Variants in REV1 observed in about 807,000 individuals in gnomAD.
REV1 encodes the protein REV1 DNA directed polymerase.
A neutral mutation model predicts 137.4 loss-of-function variants in REV1; 42 were observed. The observed-to-expected ratio is 0.31, with a 90% confidence interval of 0.24 to 0.40. The LOEUF is 0.40. Ranked by LOEUF, REV1 falls within the 10% of genes least tolerant of loss-of-function variation. The pLI, the probability that REV1 is intolerant of heterozygous loss-of-function variation, is 1.00. For synonymous variants in REV1, 524 were observed against 519.2 expected (o/e 1.01, Z -0.12); for missense variants, 1,282 against 1,490.1 (o/e 0.86, Z 2.30).
rs201539173 is a variant in REV1, at chr2:99,414,456, T to TAA, written c.1952-1507_1952-1506dup. On this transcript the variant is annotated intron_variant, in intron 12 of 22. Transcript: ENST00000258428. ...TACCAAAGACCCCGAGTTAACAATT[T>TAA]AAAAAAAAAAAAAAATTCCTCCAGA... Among the ~76,000 whole-genome samples the TAA allele has an allele frequency of 4.2e-3, 582 of 138,602 alleles. 5 individuals carry two copies. Among genetic ancestry groups the TAA allele is most frequent in the African/African-American group, 0.015 (558 of 37,684 alleles). The allele number at this position is 138,602 out of a possible 152,430, so 90.9% of individuals were successfully genotyped here.
At chr2:99,459,516 G>A (rs976298638) in intron 3 of REV1, among the ~76,000 whole-genome samples, 1 of 152,104 alleles carries the variant, frequency 6.6e-6, no homozygotes, top group African/African-American at 2.4e-5. Context: ...GATCAGCCTG[G>A]GAAACACAGC....
chr2:99,421,587 T>C lies in REV1; in HGVS notation c.1743A>G (p.Ala581=). Residue 581 remains alanine, a synonymous_variant, in exon 11 of 23, where the codon GCA becomes GCG. Transcript: ENST00000258428. Reference sequence around the variant, plus strand: ...ATTCATCAGGAGTAAGTTTGGTCTCTGCAAGGATTTCGGTAATGTCTACCA... The same window carrying C: ...ATTCATCAGGAGTAAGTTTGGTCTCCGCAAGGATTTCGGTAATGTCTACCA... ...EALVDITEIL[A]ETKLTPDEFA... is the part of the protein sequence containing the mutation. 2 of 1,614,202 alleles carry C rather than the reference T, an allele frequency of 1.2e-6. No individual in the cohort carries two copies. Among genetic ancestry groups the C allele is most frequent in the Non-Finnish European group, 1.7e-6 (2 of 1,180,010 alleles).
intron 8 of REV1, among the ~76,000 whole-genome samples, chr2:99,431,276 A>T (rs139997598): frequency 5.9e-5 from 9 of 152,342 alleles, no homozygotes; most frequent in South Asian, 2.1e-4. Context: ...AAAACAGCAG[A>T]GTGTGTAATG....
rs755591066 is a variant in REV1, at chr2:99,438,583, A to AT, written c.1213+17dup. The AT allele has an allele frequency of 6.6e-5, 104 of 1,577,952 alleles. No individual in the cohort carries two copies. Among genetic ancestry groups the AT allele is most frequent in the Non-Finnish European group, 8.9e-5 (103 of 1,151,426 alleles). On this transcript the variant is annotated intron_variant, in intron 6 of 22. Transcript: ENST00000258428. ...AGCATGACTGTTTCTTAAGAAGACA[A>AT]TTTTAATAAGTATCTACCTGTGTCA...
chr2:99,436,022 A>T, intron 6 of REV1, 81 bp from the exon 7 acceptor site: 1 of 833,546 alleles, frequency 1.2e-6, no homozygotes, highest in Non-Finnish European at 2.0e-6. Flanking sequence ...TTTAGAAATT[A>T]TATTTAAAAC....
At chr2:99,489,430 G>C (rs754560583) in intron 1 of REV1, among the ~76,000 whole-genome samples, 2 of 151,914 alleles carry the variant, frequency 1.3e-5, no homozygotes, top group Non-Finnish European at 1.5e-5. Flanking sequence ...CGCCGGCGCA[G>C]GAGGAAGGAG....
At chr2:99,461,190 C>G (rs1000768071) in intron 3 of REV1, among the ~76,000 whole-genome samples, 1 of 152,204 alleles carries the variant, frequency 6.6e-6, no homozygotes, top group African/African-American at 2.4e-5. Flanking sequence ...CTAAATTCAT[C>G]ATCAATGATG....
chr2:99,429,828 ACTT>A lies in REV1; in HGVS notation c.1547+9_1547+11del. On this transcript the variant is annotated intron_variant, in intron 9 of 22. Transcript: ENST00000258428. ...TATTCATTAAGAATTGTAACACACA[ACTT>A]CTACATACCTGGCCTCATAACTACA... 1 of 1,465,000 alleles carries A rather than the reference ACTT, an allele frequency of 6.8e-7. No homozygotes were observed. Among genetic ancestry groups the A allele is most frequent in the Non-Finnish European group, 9.3e-7 (1 of 1,078,008 alleles). The allele number at this position is 1,465,000 out of a possible 1,614,324, so 90.8% of individuals were successfully genotyped here.
intron 9 of REV1, among the ~76,000 whole-genome samples, chr2:99,426,680 T>TA (rs1350634259): frequency 6.6e-6 from 1 of 152,144 alleles, no homozygotes; most frequent in Non-Finnish European, 1.5e-5. Context: ...TAAAGACAAT[T>TA]ACAAAAAAGT....
chr2:99,454,064 GTC>G (rs1683241979), intron 3 of REV1, among the ~76,000 whole-genome samples: 1 of 151,768 alleles, frequency 6.6e-6, no homozygotes, highest in African/African-American at 2.4e-5. Flanking sequence ...GTCTGGCTCT[GTC>G]ACCCAGGCTA....
chr2:99,455,173 T>C (rs867071574), intron 3 of REV1, among the ~76,000 whole-genome samples: 73 of 152,252 alleles, frequency 4.8e-4, no homozygotes, highest in African/African-American at 1.5e-3. Flanking sequence ...GACTGTGCTA[T>C]ATAAATCACA....
intron 6 of REV1, among the ~76,000 whole-genome samples, chr2:99,436,985 TTTTTG>T (rs1261302265): frequency 4.1e-5 from 6 of 146,482 alleles, no homozygotes; most frequent in Non-Finnish European, 6.0e-5. Context: ...CCCAACTTTT[TTTTTG>T]TTTTTTTTTT....
At position 99,401,009 on chromosome 2, in the gene REV1, T is replaced by C. The variant is rs1046854946; in HGVS notation, c.*232A>G. 2.9e-5 allele frequency: 9 copies of C among 312,652 alleles called. No individual in the cohort carries two copies. Among genetic ancestry groups the C allele is most frequent in the African/African-American group, 1.5e-4 (7 of 47,462 alleles). The allele number at this position is 312,652 out of a possible 1,614,324, so 19.4% of individuals were successfully genotyped here. On this transcript the variant is annotated 3_prime_UTR_variant, in exon 23 of 23. Coordinates refer to ENST00000258428, the MANE Select transcript of REV1 (RefSeq NM_016316.4). ...TTCACTGTAAAAATCCATAAAACTTTATAAACAAACATTTTGTAAATAGAA... is the reference window on the plus strand; with the variant it reads ...TTCACTGTAAAAATCCATAAAACTTCATAAACAAACATTTTGTAAATAGAA...
At chr2:99,469,394 C>G (rs1436648029) in intron 1 of REV1, among the ~76,000 whole-genome samples, 2 of 152,156 alleles carry the variant, frequency 1.3e-5, no homozygotes, top group Non-Finnish European at 2.9e-5. Context: ...TCTCCCAACC[C>G]TCGAAAGGTT....
intron 1 of REV1, among the ~76,000 whole-genome samples, chr2:99,479,442 T>C (rs1449335423): frequency 1.3e-5 from 2 of 152,010 alleles, no homozygotes; most frequent in African/African-American, 2.4e-5. Context: ...TCCATTCACT[T>C]AGAATTTACT....
chr2:99,442,587 C>T (rs1681658922), intron 4 of REV1, 118 bp from the exon 5 acceptor site: 8 of 928,736 alleles, frequency 8.6e-6, no homozygotes, highest in Admixed American at 7.4e-5. Flanking sequence ...ATCTGTTTTC[C>T]TAGTTTATTC....
intron 3 of REV1, among the ~76,000 whole-genome samples, chr2:99,461,942 T>C (rs899255906): frequency 3.3e-5 from 5 of 152,086 alleles, no homozygotes; most frequent in South Asian, 2.1e-4. Context: ...TCAATGACAA[T>C]AGGCACAGCT....
At chr2:99,463,938 A>G (rs937590834) in intron 2 of REV1, among the ~76,000 whole-genome samples, 1 of 152,120 alleles carries the variant, frequency 6.6e-6, no homozygotes, top group Admixed American at 6.6e-5. Flanking sequence ...AGCATATTTT[A>G]GACTGGCTTC....
At chr2:99,405,812 G>T in intron 17 of REV1, 98 bp downstream of exon 17, 1 of 846,240 alleles carries the variant, frequency 1.2e-6, no homozygotes, top group Non-Finnish European at 1.7e-6. Context: ...TTAAACGGAT[G>T]AAGAAATAAA....
Sources: gnomAD v4.1 joint callset for allele counts (sites outside exome capture counted in the v4.1 genomes callset) on GRCh38, gnomAD v4.1.1 for gene constraint, MANE v1.5 for transcripts, NCBI Gene and HGNC (gene_info 2026-07-23, HGNC 2026-07-21) for gene names.